The following UNC13C variants were observed in gnomAD, a reference collection of about 807,000 sequenced individuals.
UNC13C encodes protein unc-13 homolog C.
A neutral mutation model predicts 245.4 loss-of-function variants in UNC13C; 174 were observed. The observed-to-expected ratio is 0.71, with a 90% CI of 0.63 to 0.80. The LOEUF (loss-of-function observed/expected upper bound fraction) is 0.80, where lower values mean the gene tolerates loss of function less well. UNC13C is among the 30% of genes least tolerant of loss of function. The pLI is 0.00. For synonymous variants in UNC13C, 992 were observed against 895.1 expected, an observed-to-expected ratio of 1.11 and a Z score of -1.93; for missense variants, 2,829 against 2,602.9, an observed-to-expected ratio of 1.09 and a Z score of -1.89.
At chr15:54,629,786 G>A (rs1455375340), downstream of UNC13C, 1 of 152,068 alleles carries the variant, frequency 6.6e-6, no homozygotes, top group Non-Finnish European at 1.5e-5. Context: ...AATTGAGCAA[G>A]GTATTTTTTC....
At chr15:54,480,221 C>T (rs897269248) in intron 19 of UNC13C, among the ~76,000 whole-genome samples, 6 of 151,840 alleles carry the variant, frequency 4.0e-5, no homozygotes, top group Admixed American at 1.3e-4. Context: ...TATTGTAAGA[C>T]TTAAGAAGCC....
chr15:54,093,130 A>T (rs902834454), intron 2 of UNC13C, among the ~76,000 whole-genome samples: 1 of 151,852 alleles, frequency 6.6e-6, no homozygotes, highest in Admixed American at 6.6e-5. Flanking sequence ...TTCAGCTTAT[A>T]TTTATGCTGC....
chr15:54,587,660 C>G (rs770692761), intron 30 of UNC13C, among the ~76,000 whole-genome samples: 5 of 152,112 alleles, frequency 3.3e-5, no homozygotes, highest in Non-Finnish European at 7.4e-5. Flanking sequence ...TGCTCCTCCC[C>G]TCTGGCAATC....
At chr15:54,140,318 T>A (rs905040578) in intron 2 of UNC13C, among the ~76,000 whole-genome samples, 1 of 152,180 alleles carries the variant, frequency 6.6e-6, no homozygotes, top group African/African-American at 2.4e-5. Flanking sequence ...TGAAGTGGTG[T>A]AGCTTATTAA....
In UNC13C at chr15:54,622,070, T is replaced by C. The variant is rs568424944; in HGVS notation, c.6107-257T>C. Among the ~76,000 whole-genome samples the C allele has an allele frequency of 3.3e-5, 5 of 152,290 alleles. No homozygotes were observed. In the South Asian group the frequency reaches 1.0e-3, roughly 32 times the overall value. Reference sequence around the variant, plus strand: ...GTAAATCAACCCTAGTTCTTTAAACTATCATAATAGTAACAGAATGTCTTA... The same window carrying C: ...GTAAATCAACCCTAGTTCTTTAAACCATCATAATAGTAACAGAATGTCTTA... On this transcript the variant is annotated intron_variant, in intron 30 of 32. Transcript: ENST00000260323.
At chr15:54,451,964 G>C (rs80245487) in intron 19 of UNC13C, among the ~76,000 whole-genome samples, 99 of 152,278 alleles carry the variant, frequency 6.5e-4, no homozygotes, top group Non-Finnish European at 1.1e-3. Context: ...GTTAGGTAGG[G>C]AACATTGGCT....
chr15:54,454,363 G>A (rs1891353591), intron 19 of UNC13C, among the ~76,000 whole-genome samples: 1 of 152,118 alleles, frequency 6.6e-6, no homozygotes. Context: ...GATGACCTGA[G>A]GTCAGGAGTT....
At chr15:54,552,717 T>TAG (rs1265933879) in intron 28 of UNC13C, among the ~76,000 whole-genome samples, 35 of 78,216 alleles carry the variant, frequency 4.5e-4, no homozygotes, top group African/African-American at 1.4e-3. Flanking sequence ...TTATATTATA[T>TAG]TGTACAATAT....
At chr15:54,479,670 C>A (rs1273744249) in intron 19 of UNC13C, among the ~76,000 whole-genome samples, 1 of 151,336 alleles carries the variant, frequency 6.6e-6, no homozygotes, top group African/African-American at 2.4e-5. Context: ...TTATTGTTTG[C>A]CTTTACAATT....
chr15:54,298,949 A>G (rs1206304613), intron 12 of UNC13C, among the ~76,000 whole-genome samples: 1 of 152,148 alleles, frequency 6.6e-6, no homozygotes, highest in African/African-American at 2.4e-5. Flanking sequence ...CCATTTTACT[A>G]AGAAAGAAAT....
At chr15:54,465,164 A>AT (rs1892100012) in intron 19 of UNC13C, among the ~76,000 whole-genome samples, 1 of 152,116 alleles carries the variant, frequency 6.6e-6, no homozygotes. Context: ...GAAACAGTCA[A>AT]TAAGACAGTG....
At chr15:54,119,238 AATCCTGC>A (rs1320937838) in intron 2 of UNC13C, among the ~76,000 whole-genome samples, 20 of 152,176 alleles carry the variant, frequency 1.3e-4, no homozygotes. Flanking sequence ...GGTCTGTGGC[AATCCTGC>A]ATTGAGCAAG....
chr15:54,095,651 G>T (rs527784384), intron 2 of UNC13C, among the ~76,000 whole-genome samples: 1 of 152,308 alleles, frequency 6.6e-6, no homozygotes, highest in Admixed American at 6.5e-5. Context: ...TTTACCTGGT[G>T]CCCAGGCGAT....
chr15:54,211,826 G>A (rs1447149558), intron 4 of UNC13C, among the ~76,000 whole-genome samples: 4 of 152,084 alleles, frequency 2.6e-5, no homozygotes, highest in Non-Finnish European at 5.9e-5. Context: ...TCAACCCTGT[G>A]AGCAGGACTG....
At chr15:54,221,705 T>G (rs2035231587) in intron 4 of UNC13C, among the ~76,000 whole-genome samples, 2 of 152,020 alleles carry the variant, frequency 1.3e-5, no homozygotes, top group South Asian at 4.1e-4. Context: ...AACAATTGTT[T>G]TGGCAACACA....
rs941289453 is a variant in UNC13C at position 54,494,795 on chromosome 15, A to T, written c.5060+61A>T. 21 of 1,569,200 alleles carry T rather than the reference A, an allele frequency of 1.3e-5. No homozygotes were observed. In the Admixed American group the frequency reaches 3.9e-4, roughly 29 times the overall value. On this transcript the variant is annotated intron_variant, in intron 20 of 32. Coordinates refer to ENST00000260323, the MANE Select transcript of UNC13C (RefSeq NM_001080534.3). ...TAAATTCACATTCCTGTAAAATTAC[A>T]CCTGAATTGTGTACCACTAAAATCT... is the stretch of plus-strand genomic sequence containing the variant.
chr15:54,538,244 A>G (rs1411137641), intron 26 of UNC13C, among the ~76,000 whole-genome samples: 2 of 151,734 alleles, frequency 1.3e-5, no homozygotes, highest in African/African-American at 4.8e-5. Context: ...ATAAAGAAAA[A>G]TGCTGAACGT....
At chr15:54,168,362 T>A (rs1367497272) in intron 4 of UNC13C, among the ~76,000 whole-genome samples, 1 of 152,192 alleles carries the variant, frequency 6.6e-6, no homozygotes, top group Non-Finnish European at 1.5e-5. Flanking sequence ...AGTTGAAATA[T>A]AGTTATGCAA....
intron 2 of UNC13C, chr15:54,050,746 A>G: frequency 1.7e-6 from 1 of 576,458 alleles, no homozygotes; most frequent in South Asian, 1.4e-5. Flanking sequence ...TTGTTCCACT[A>G]GTGAACAAGT....
Sources: gnomAD v4.1 joint callset for allele counts (sites outside exome capture counted in the v4.1 genomes callset) on GRCh38, gnomAD v4.1.1 for gene constraint, MANE v1.5 for transcripts, NCBI Gene and HGNC (gene_info 2026-07-23, HGNC 2026-07-21) for gene names.